The following PTPN4 variants were observed in gnomAD, a reference collection of about 807,000 sequenced individuals.
The protein encoded by PTPN4 is protein tyrosine phosphatase non-receptor type 4.
Under a neutral mutation model 135.5 loss-of-function variants are expected in PTPN4, and 49 were observed. The ratio of observed to expected loss-of-function variants is 0.36; its 90% CI spans 0.29 to 0.46. PTPN4 has a LOEUF of 0.46. Among genes scored for constraint, PTPN4 ranks in the 20% least tolerant of loss-of-function variants. PTPN4 has a pLI of 1.00. For missense variants in PTPN4, 860 were observed against 1,101.0 expected, an observed-to-expected ratio of 0.78 and a Z score of 3.10; for synonymous variants, 333 against 369.9, an observed-to-expected ratio of 0.90 and a Z score of 1.14.
intron 24 of PTPN4, among the ~76,000 whole-genome samples, chr2:119,964,393 C>T (rs1679418093): frequency 6.6e-6 from 1 of 152,168 alleles, no homozygotes; most frequent in Non-Finnish European, 1.5e-5. Context: ...AACCTTGGCT[C>T]TCCAAAAAGA....
chr2:119,932,299 T>G, intron 13 of PTPN4, 125 bp from the exon 14 acceptor site: 1 of 968,590 alleles, frequency 1.0e-6, no homozygotes, highest in Non-Finnish European at 1.5e-6. Flanking sequence ...CATTAATTTT[T>G]TACAAGTAAA....
chr2:119,830,717 G>A (rs931005730), intron 2 of PTPN4, among the ~76,000 whole-genome samples: 2 of 152,044 alleles, frequency 1.3e-5, no homozygotes, highest in African/African-American at 2.4e-5. Flanking sequence ...AGCCACCTGC[G>A]TTGGCCTCCC....
At chr2:119,928,683 A>T (rs2105034657) in intron 13 of PTPN4, among the ~76,000 whole-genome samples, 1 of 152,268 alleles carries the variant, frequency 6.6e-6, no homozygotes, top group African/African-American at 2.4e-5. Flanking sequence ...AAAACGAATA[A>T]CATTTCTTAA....
chr2:119,976,586 T>A (rs1679621287), intron 26 of PTPN4, among the ~76,000 whole-genome samples: 1 of 152,210 alleles, frequency 6.6e-6, no homozygotes, highest in East Asian at 1.9e-4. Flanking sequence ...CCTTTTCTGT[T>A]ATAAATAATT....
chr2:119,795,327 C>G (rs1007451545), intron 1 of PTPN4, among the ~76,000 whole-genome samples: 2 of 152,230 alleles, frequency 1.3e-5, no homozygotes, highest in African/African-American at 4.8e-5. Flanking sequence ...CCTGGCTGGC[C>G]TCTTCCACCC....
chr2:119,766,107 G>T (rs186877529), intron 1 of PTPN4, among the ~76,000 whole-genome samples: 20 of 152,240 alleles, frequency 1.3e-4, no homozygotes, highest in Admixed American at 2.6e-4. Context: ...AATGGGACCT[G>T]GGCATATCAG....
intron 11 of PTPN4, among the ~76,000 whole-genome samples, chr2:119,918,898 T>G (rs1678697566): frequency 6.6e-6 from 1 of 152,248 alleles, no homozygotes; most frequent in Non-Finnish European, 1.5e-5. Context: ...CTATGGAAAT[T>G]AGTGAATTAC....
At chr2:119,948,303 A>G (rs1401446557) in intron 18 of PTPN4, among the ~76,000 whole-genome samples, 1 of 152,172 alleles carries the variant, frequency 6.6e-6, no homozygotes. Context: ...AGAAAGATAT[A>G]TCTAAAGTGT....
In PTPN4 at chr2:119,956,873, A is replaced by G. The variant is rs752893176; in HGVS notation, c.2010A>G (p.Thr670=). 2 of 1,603,236 alleles carry G rather than the reference A, an allele frequency of 1.2e-6. No individual in the cohort carries two copies. The highest frequency in any genetic ancestry group is 3.5e-5 in the Admixed American group (2 of 57,104). Reference sequence around the variant, plus strand: ...TGTATCGGAAAAAACCTGGAATGACAATGTCCTGTGCCAAATTACCTCAGA... The same window carrying G: ...TGTATCGGAAAAAACCTGGAATGACGATGTCCTGTGCCAAATTACCTCAGA... ...DQLYRKKPGM[T]MSCAKLPQNI... Residue 670 remains threonine (T), a synonymous_variant, in exon 21 of 27, where the codon ACA becomes ACG. Coordinates refer to ENST00000263708, the MANE Select transcript of PTPN4 (RefSeq NM_002830.4).
In PTPN4 at chr2:119,861,751, T is replaced by C. The variant is rs61322638; in HGVS notation, c.139-785T>C. ...TCATTTGTCTGTTTTTACTCATAAG[T>C]TATATTTTTTATTGGAGGGGGATTA... On this transcript the variant is annotated intron_variant, in intron 2 of 26. Coordinates refer to ENST00000263708, the MANE Select transcript of PTPN4 (RefSeq NM_002830.4). 1.8e-3 allele frequency among the ~76,000 whole-genome samples: 276 copies of C among 152,322 alleles called. 1 individual carries two copies. Among genetic ancestry groups the C allele is most frequent in the African/African-American group, 6.5e-3 (271 of 41,566 alleles).
intron 2 of PTPN4, among the ~76,000 whole-genome samples, chr2:119,816,881 T>TA (rs1443246231): frequency 6.6e-5 from 10 of 152,240 alleles, no homozygotes. Context: ...GTCTCAAACA[T>TA]ACTTTTATAA....
intron 3 of PTPN4, among the ~76,000 whole-genome samples, chr2:119,867,334 G>A (rs901017820): frequency 1.1e-4 from 16 of 152,080 alleles, no homozygotes; most frequent in African/African-American, 3.6e-4. Context: ...GTGGTTGGCT[G>A]TGGGGAATGA....
intron 15 of PTPN4, among the ~76,000 whole-genome samples, chr2:119,936,281 C>A (rs952483505): frequency 6.6e-6 from 1 of 152,138 alleles, no homozygotes; most frequent in African/African-American, 2.4e-5. Flanking sequence ...GGATTCCAGG[C>A]GTGAGCCCCC....
chr2:119,811,329 A>G (rs1691568912), intron 2 of PTPN4, among the ~76,000 whole-genome samples: 1 of 152,226 alleles, frequency 6.6e-6, no homozygotes, highest in South Asian at 2.1e-4. Context: ...ATTCCAAGCT[A>G]TTTCACATTG....
At chr2:119,782,305 G>C (rs564546244) in intron 1 of PTPN4, among the ~76,000 whole-genome samples, 1 of 152,044 alleles carries the variant, frequency 6.6e-6, no homozygotes, top group Non-Finnish European at 1.5e-5. Context: ...TGTAATCCCA[G>C]ATACTCAGGA....
At chr2:119,868,994 T>A (rs1677871645) in intron 3 of PTPN4, among the ~76,000 whole-genome samples, 1 of 152,206 alleles carries the variant, frequency 6.6e-6, no homozygotes, top group Non-Finnish European at 1.5e-5. Context: ...CACTTTTAGC[T>A]ATTTATCCAA....
At chr2:119,863,353 A>G (rs948041922) in intron 3 of PTPN4, among the ~76,000 whole-genome samples, 2 of 152,152 alleles carry the variant, frequency 1.3e-5, no homozygotes, top group East Asian at 1.9e-4. Flanking sequence ...GTAAATTTAT[A>G]TGCTTATACA....
At chr2:119,876,286 G>A (rs1322715986) in intron 3 of PTPN4, among the ~76,000 whole-genome samples, 2 of 152,250 alleles carry the variant, frequency 1.3e-5, no homozygotes, top group South Asian at 2.1e-4. Flanking sequence ...AGCATGAAGA[G>A]GGACATGGTG....
At chr2:119,861,989 A>T (rs1490134249) in intron 2 of PTPN4, among the ~76,000 whole-genome samples, 3 of 151,760 alleles carry the variant, frequency 2.0e-5, no homozygotes, top group Non-Finnish European at 4.4e-5. Context: ...TTATGGCATT[A>T]TAATACAAAA....
Sources: allele counts gnomAD v4.1 joint callset (sites outside exome capture counted in the v4.1 genomes callset), GRCh38; gene constraint gnomAD v4.1.1; transcripts MANE v1.5; gene names NCBI Gene and HGNC (gene_info 2026-07-23, HGNC 2026-07-21).